TMEM132C: variants seen among roughly 807,000 people sequenced by gnomAD.
The protein encoded by TMEM132C is protein phosphatase 1, regulatory subunit 152.
TMEM132C carries 29 observed loss-of-function variants against 61.4 expected under a neutral mutation model. That is an observed-to-expected ratio of 0.47 (90% CI 0.35 to 0.64). TMEM132C has a LOEUF of 0.64. Ranked by LOEUF, TMEM132C falls within the 30% of genes least tolerant of loss-of-function variation. The pLI, the probability that TMEM132C is intolerant of heterozygous loss-of-function variation, is 0.00. For synonymous variants in TMEM132C, 656 were observed against 633.1 expected, an observed-to-expected ratio of 1.04 and a Z score of -0.54; for missense variants, 1,408 against 1,476.9, an observed-to-expected ratio of 0.95 and a Z score of 0.76.
intron 3 of TMEM132C, among the ~76,000 whole-genome samples, chr12:128,613,071 T>C (rs1110034): frequency 0.2 from 30,771 of 152,180 alleles, 3,165 homozygotes; most frequent in Middle Eastern, 0.27. Context: ...TGAAAGCTCA[T>C]TGCAACCTCT....
chr12:128,547,115 G>A (rs972171120), intron 3 of TMEM132C, among the ~76,000 whole-genome samples: 3 of 152,196 alleles, frequency 2.0e-5, no homozygotes, highest in Non-Finnish European at 4.4e-5. Flanking sequence ...GCACTGCCAC[G>A]GGCAATGGTG....
intron 4 of TMEM132C, among the ~76,000 whole-genome samples, chr12:128,644,443 C>T (rs1954180684): frequency 6.6e-6 from 1 of 152,074 alleles, no homozygotes. Context: ...AAATCAAATA[C>T]ATGAAAAACT....
intron 1 of TMEM132C, among the ~76,000 whole-genome samples, chr12:128,392,075 TC>T (rs1874785829): frequency 6.9e-6 from 1 of 144,852 alleles, no homozygotes; most frequent in Non-Finnish European, 1.5e-5. Flanking sequence ...TCTCTCTCTC[TC>T]TCTCTCTCTC....
intron 8 of TMEM132C, among the ~76,000 whole-genome samples, chr12:128,701,616 C>T (rs1487068868): frequency 6.6e-6 from 1 of 152,148 alleles, no homozygotes; most frequent in African/African-American, 2.4e-5. Context: ...TCCAATTTTT[C>T]CTTCTGGAAT....
At chr12:128,390,642 G>A (rs1874737416) in intron 1 of TMEM132C, among the ~76,000 whole-genome samples, 1 of 152,206 alleles carries the variant, frequency 6.6e-6, no homozygotes, top group African/African-American at 2.4e-5. Flanking sequence ...CACGGATTAG[G>A]ATGAGGCCCT....
chr12:128,560,936 C>G (rs916558491), intron 3 of TMEM132C, among the ~76,000 whole-genome samples: 1 of 152,106 alleles, frequency 6.6e-6, no homozygotes, highest in Non-Finnish European at 1.5e-5. Flanking sequence ...GTTGTCCCAC[C>G]GTACAGATAA....
At chr12:128,435,788 A>T (rs1869568349) in intron 2 of TMEM132C, among the ~76,000 whole-genome samples, 2 of 152,156 alleles carry the variant, frequency 1.3e-5, no homozygotes, top group Admixed American at 6.5e-5. Context: ...CAGAACTGGA[A>T]AAAAACTACT....
intron 4 of TMEM132C, among the ~76,000 whole-genome samples, chr12:128,652,682 C>A (rs2135612097): frequency 6.6e-6 from 1 of 152,364 alleles, no homozygotes; most frequent in South Asian, 2.1e-4. Context: ...AGCCCCTGAC[C>A]CGGGTAAAGC....
chr12:128,343,422 A>T (rs1357424250), intron 1 of TMEM132C, among the ~76,000 whole-genome samples: 3 of 1,894 alleles, frequency 1.6e-3, no homozygotes, highest in East Asian at 0.12. Flanking sequence ...GACTCAGTCT[A>T]AAAAAAAAAA....
At chr12:128,459,748 G>A (rs1870470137) in intron 2 of TMEM132C, among the ~76,000 whole-genome samples, 2 of 151,948 alleles carry the variant, frequency 1.3e-5, no homozygotes, top group African/African-American at 4.8e-5. Context: ...AGCCAGGTGT[G>A]GTGGTGAGTG....
intron 1 of TMEM132C, among the ~76,000 whole-genome samples, chr12:128,299,229 T>G (rs1464093696): frequency 1.3e-5 from 2 of 152,232 alleles, no homozygotes; most frequent in Admixed American, 1.3e-4. Context: ...AGGGGCTCTG[T>G]GCTGCCTTGG....
rs558188310 is a variant in TMEM132C at position 128,705,693 on chromosome 12, G to A, written c.2725G>A (p.Glu909Lys). The stretch of plus-strand genomic sequence containing the variant: ...CCTCCCCAAGGCCGGGAGTGGGCTG[G>A]AGGAAAACGACCTGGTGCAGACTCC... ...VDLPKAGSGL[E>K]ENDLVQTPRG... The change falls in exon 9 of 9, where the codon GAG (glutamate) becomes AAG (lysine). Residue 909 changes from glutamate (E) to lysine (K), a missense_variant. Physicochemically the swap from Glu to Lys is moderately conservative, Grantham distance 56. Coordinates refer to ENST00000435159, the MANE Select transcript of TMEM132C (RefSeq NM_001136103.3). The A allele has an allele frequency of 1.1e-4, 165 of 1,551,462 alleles. 2 individuals are homozygous for A. In the South Asian group the frequency reaches 1.8e-3, roughly 17 times the overall value.
intron 3 of TMEM132C, among the ~76,000 whole-genome samples, chr12:128,595,571 C>T (rs749958779): frequency 2.0e-5 from 3 of 152,100 alleles, no homozygotes; most frequent in Non-Finnish European, 4.4e-5. Flanking sequence ...GGGACCCATG[C>T]GGTGAAGAGG....
At chr12:128,544,613 A>G (rs1873885540) in intron 3 of TMEM132C, among the ~76,000 whole-genome samples, 1 of 147,984 alleles carries the variant, frequency 6.8e-6, no homozygotes, top group South Asian at 2.2e-4. Context: ...ATTCAGACTC[A>G]TTTTAGAATA....
chr12:128,568,614 C>A (rs936915505), intron 3 of TMEM132C, among the ~76,000 whole-genome samples: 1 of 152,248 alleles, frequency 6.6e-6, no homozygotes, highest in South Asian at 2.1e-4. Flanking sequence ...AGAAATGCTC[C>A]AAGGTCACAC....
chr12:128,634,135 G>A (rs145978257), intron 4 of TMEM132C, among the ~76,000 whole-genome samples: 35 of 152,298 alleles, frequency 2.3e-4, no homozygotes, highest in East Asian at 7.7e-4. Context: ...GTGCAGTGGC[G>A]TGATCACAGC....
chr12:128,481,018 A>G (rs1423794272), intron 2 of TMEM132C, among the ~76,000 whole-genome samples: 3 of 152,110 alleles, frequency 2.0e-5, no homozygotes, highest in African/African-American at 2.4e-5. Context: ...TTCCTGGCTC[A>G]TAGTAGGTGA....
intron 3 of TMEM132C, among the ~76,000 whole-genome samples, chr12:128,605,101 T>C (rs1038858078): frequency 6.6e-6 from 1 of 151,576 alleles, no homozygotes; most frequent in African/African-American, 2.4e-5. Flanking sequence ...GATGGATGAA[T>C]AGACAGATAA....
chr12:128,489,776 A>G (rs1252851981), intron 2 of TMEM132C, among the ~76,000 whole-genome samples: 2 of 152,076 alleles, frequency 1.3e-5, no homozygotes, highest in African/African-American at 4.8e-5. Context: ...TCATGTCTAT[A>G]TATGTATGAG....
Sources: allele counts gnomAD v4.1 joint callset (sites outside exome capture counted in the v4.1 genomes callset), GRCh38; gene constraint gnomAD v4.1.1; transcripts MANE v1.5; gene names NCBI Gene and HGNC (gene_info 2026-07-23, HGNC 2026-07-21).